Variants in PTPRM observed in about 807,000 individuals in gnomAD.
The protein encoded by PTPRM is receptor-type tyrosine-protein phosphatase mu.
Under a neutral mutation model 186.7 loss-of-function variants are expected in PTPRM, and 47 were observed. That is an observed-to-expected ratio of 0.25 (90% CI 0.20 to 0.32). The LOEUF (loss-of-function observed/expected upper bound fraction) is 0.32. Among genes scored for constraint, PTPRM ranks in the 10% least tolerant of loss-of-function variants. The probability of loss-of-function intolerance (pLI) is 1.00; values close to 1 mark genes in which losing one functional copy is unlikely to be tolerated. For missense variants in PTPRM, 1,494 were observed against 1,865.0 expected (o/e 0.80, Z 3.66); for synonymous variants, 668 against 674.9 (o/e 0.99, Z 0.16).
chr18:7,907,648 G>A (rs922168050), intron 4 of PTPRM, among the ~76,000 whole-genome samples: 1 of 152,262 alleles, frequency 6.6e-6, no homozygotes, highest in African/African-American at 2.4e-5. Context: ...CTGGCAATTG[G>A]TGTCACTAGG....
At chr18:8,251,745 C>CT (rs2094530029) in intron 17 of PTPRM, 1 of 152,232 alleles carries the variant, frequency 6.6e-6, no homozygotes, top group Non-Finnish European at 1.5e-5. Context: ...CCAGGCCCTG[C>CT]TCATCAAGCA....
chr18:7,946,929 C>G (rs946901153), intron 5 of PTPRM: 1 of 456,082 alleles, frequency 2.2e-6, no homozygotes, highest in African/African-American at 2.0e-5. Flanking sequence ...CTAGCCCAGC[C>G]CCTTCTTTGG....
At chr18:7,995,339 C>T (rs758522256) in intron 7 of PTPRM, among the ~76,000 whole-genome samples, 3 of 152,168 alleles carry the variant, frequency 2.0e-5, no homozygotes, top group South Asian at 4.1e-4. Flanking sequence ...CTGAATTCTA[C>T]CAAATTTATA....
At chr18:7,834,491 T>TACACACACACACACACAC (rs36162599) in intron 2 of PTPRM, among the ~76,000 whole-genome samples, 2,152 of 84,540 alleles carry the variant, frequency 0.025, 84 homozygotes, top group Non-Finnish European at 0.034. Context: ...TATACAAGTA[T>TACACACACACACACACAC]ACACACACAC....
chr18:8,219,328 G>A (rs796484281), intron 14 of PTPRM, among the ~76,000 whole-genome samples: 4 of 152,024 alleles, frequency 2.6e-5, no homozygotes, highest in East Asian at 1.9e-4. Flanking sequence ...TTAGCCGGGC[G>A]TGGTGGAGGA....
intron 14 of PTPRM, among the ~76,000 whole-genome samples, chr18:8,193,369 G>A (rs1464915348): frequency 6.6e-6 from 1 of 152,116 alleles, no homozygotes; most frequent in Non-Finnish European, 1.5e-5. Context: ...TTCTCTTCCA[G>A]GTGCTTACAA....
chr18:7,911,824 T>C (rs1352472775), intron 4 of PTPRM, among the ~76,000 whole-genome samples: 2 of 151,096 alleles, frequency 1.3e-5, no homozygotes, highest in Non-Finnish European at 2.9e-5. Flanking sequence ...TTCTGTGTTT[T>C]TTCCAGAGTT....
Position 8,085,725 on chromosome 18 carries a change from A to G in PTPRM, c.1606A>G (p.Ser536Gly). 6.2e-7 allele frequency: 1 copy of G among 1,611,490 alleles called. No homozygotes were observed. The highest frequency in any genetic ancestry group is 8.5e-7 in the Non-Finnish European group (1 of 1,177,768). ...CCCAGAAATAGATTTATCCAATCAGAGTGGAAGAGTTTCAAAGCTGGGAAA... is the reference window on the plus strand; with the variant it reads ...CCCAGAAATAGATTTATCCAATCAGGGTGGAAGAGTTTCAAAGCTGGGAAA... Reference protein sequence around the residue: ...FDPEIDLSNQSGRVSKLGNET... With the variant: ...FDPEIDLSNQGGRVSKLGNET... The change falls in exon 10 of 33, where the codon AGT becomes GGT. Residue 536 changes from serine (S) to glycine (G), a missense_variant. Physicochemically the swap from Ser to Gly is moderately conservative, Grantham distance 56. Transcript: ENST00000580170.
intron 7 of PTPRM, among the ~76,000 whole-genome samples, chr18:8,054,785 C>CT (rs2087797532): frequency 6.6e-6 from 1 of 151,974 alleles, no homozygotes; most frequent in African/African-American, 2.4e-5. Context: ...ACTCATTTTT[C>CT]TTTTTGAAGG....
At chr18:8,384,730 T>C in intron 30 of PTPRM, 44 bp downstream of exon 30, 2 of 1,608,698 alleles carry the variant, frequency 1.2e-6, no homozygotes, top group Non-Finnish European at 1.7e-6. Flanking sequence ...GTTTCATTTA[T>C]TTTCTCACTC....
intron 7 of PTPRM, among the ~76,000 whole-genome samples, chr18:8,025,405 T>A (rs2085508622): frequency 6.6e-6 from 1 of 152,190 alleles, no homozygotes; most frequent in Admixed American, 6.5e-5. Context: ...ACTGGGGGGA[T>A]GGAGAAGACC....
At chr18:7,721,730 C>G (rs2040450227) in intron 1 of PTPRM, among the ~76,000 whole-genome samples, 1 of 152,178 alleles carries the variant, frequency 6.6e-6, no homozygotes, top group South Asian at 2.1e-4. Flanking sequence ...ATGTTTTTGA[C>G]ACACATGTCA....
intron 19 of PTPRM, among the ~76,000 whole-genome samples, chr18:8,266,784 T>C (rs924341713): frequency 7.2e-5 from 11 of 152,106 alleles, no homozygotes; most frequent in Non-Finnish European, 1.3e-4. Flanking sequence ...GGCAGGTACC[T>C]GTAGTCCCAG....
chr18:8,384,269 G>A (rs111953790), intron 29 of PTPRM, among the ~76,000 whole-genome samples: 45 of 152,210 alleles, frequency 3.0e-4, no homozygotes, highest in African/African-American at 1.1e-3. Context: ...ACCAGCCTGG[G>A]CAACATAGCG....
chr18:7,902,432 G>GT (rs1471169562), intron 3 of PTPRM, among the ~76,000 whole-genome samples: 1 of 152,188 alleles, frequency 6.6e-6, no homozygotes, highest in African/African-American at 2.4e-5. Flanking sequence ...AAATCCATGA[G>GT]TTGATACTAG....
At chr18:7,725,300 G>T (rs2040524593) in intron 1 of PTPRM, among the ~76,000 whole-genome samples, 1 of 152,098 alleles carries the variant, frequency 6.6e-6, no homozygotes, top group South Asian at 2.1e-4. Flanking sequence ...TAACAGATGA[G>T]CATTCCCAGT....
chr18:8,034,216 T>TGTGTG (rs1447767645), intron 7 of PTPRM, among the ~76,000 whole-genome samples: 1 of 152,078 alleles, frequency 6.6e-6, no homozygotes, highest in Admixed American at 6.6e-5. Flanking sequence ...GGGGAACCAC[T>TGTGTG]ACTCAGCCAA....
intron 20 of PTPRM, among the ~76,000 whole-genome samples, chr18:8,307,913 A>G (rs1400877389): frequency 6.6e-6 from 1 of 152,240 alleles, no homozygotes. Context: ...TGTGCCTAGC[A>G]AAAGAATTCA....
intron 2 of PTPRM, among the ~76,000 whole-genome samples, chr18:7,819,776 C>T (rs920997325): frequency 6.6e-6 from 1 of 152,124 alleles, no homozygotes; most frequent in East Asian, 1.9e-4. Flanking sequence ...ACCCCACAGC[C>T]TGTCTGTCTG....
Sources: allele counts gnomAD v4.1 joint callset (sites outside exome capture counted in the v4.1 genomes callset), GRCh38; gene constraint gnomAD v4.1.1; transcripts MANE v1.5; gene names NCBI Gene and HGNC (gene_info 2026-07-23, HGNC 2026-07-21).